MYOCD: variants seen among roughly 807,000 people sequenced by gnomAD.
The protein encoded by MYOCD is myocardin.
Under a neutral mutation model 96.1 loss-of-function variants are expected in MYOCD, and 32 were observed. The observed-to-expected ratio is 0.33, with a 90% confidence interval of 0.25 to 0.45. MYOCD has a LOEUF of 0.45. Among genes scored for constraint, MYOCD ranks in the 20% least tolerant of loss-of-function variants. MYOCD has a pLI of 1.00. For missense variants in MYOCD, 1,133 were observed against 1,200.6 expected (o/e 0.94, Z 0.83); for synonymous variants, 469 against 469.0 (o/e 1.00, Z 0.00).
At chr17:12,714,130 T>C (rs766127704) in intron 2 of MYOCD, among the ~76,000 whole-genome samples, 53 of 152,090 alleles carry the variant, frequency 3.5e-4, no homozygotes, top group South Asian at 2.1e-4. Flanking sequence ...ATTGTTAATG[T>C]TGGGGTGAAC....
intron 1 of MYOCD, among the ~76,000 whole-genome samples, chr17:12,697,617 C>T (rs1297451595): frequency 1.3e-5 from 2 of 151,700 alleles, no homozygotes; most frequent in African/African-American, 4.8e-5. Context: ...TCCCAAAGTG[C>T]TGGGAATTAC....
intron 2 of MYOCD, among the ~76,000 whole-genome samples, chr17:12,707,949 A>G (rs949946821): frequency 2.1e-5 from 3 of 146,076 alleles, no homozygotes; most frequent in African/African-American, 7.3e-5. Flanking sequence ...CTTATGCACT[A>G]TATATATGTG....
At chr17:12,718,746 A>T (rs1216711748) in intron 4 of MYOCD, among the ~76,000 whole-genome samples, 1 of 152,190 alleles carries the variant, frequency 6.6e-6, no homozygotes, top group African/African-American at 2.4e-5. Context: ...GAAAACAGAA[A>T]AAAGTCCCTC....
chr17:12,715,313 T>A (rs966389796), intron 2 of MYOCD, among the ~76,000 whole-genome samples: 2 of 148,240 alleles, frequency 1.3e-5, no homozygotes, highest in Non-Finnish European at 1.5e-5. Context: ...TACTCCCCGT[T>A]TGAGGCTTCG....
chr17:12,682,248 G>A (rs944555155), intron 1 of MYOCD, among the ~76,000 whole-genome samples: 6 of 152,216 alleles, frequency 3.9e-5, no homozygotes, highest in African/African-American at 1.4e-4. Context: ...GATAATGCCA[G>A]GCAAAGGAAA....
chr17:12,753,421 G>A, intron 10 of MYOCD, 75 bp downstream of exon 10: 1 of 1,321,532 alleles, frequency 7.6e-7, no homozygotes, highest in Non-Finnish European at 1.0e-6. Flanking sequence ...CTGCTAAAGA[G>A]CTAATGTCAG....
chr17:12,682,099 C>T (rs895173966), intron 1 of MYOCD, among the ~76,000 whole-genome samples: 1 of 152,174 alleles, frequency 6.6e-6, no homozygotes, highest in African/African-American at 2.4e-5. Context: ...TCTCTCATTT[C>T]ACCTTCTCCA....
chr17:12,687,625 A>C (rs1226273972), intron 1 of MYOCD, among the ~76,000 whole-genome samples: 1 of 152,230 alleles, frequency 6.6e-6, no homozygotes, highest in East Asian at 1.9e-4. Flanking sequence ...TTTTGTTAAA[A>C]GTTTAAATAT....
intron 4 of MYOCD, among the ~76,000 whole-genome samples, chr17:12,721,180 C>G (rs1452492587): frequency 1.3e-5 from 2 of 151,556 alleles, no homozygotes; most frequent in African/African-American, 4.9e-5. Context: ...GTTATTTCTT[C>G]CATCATTACG....
At chr17:12,744,837 G>T (rs549636418) in intron 8 of MYOCD, among the ~76,000 whole-genome samples, 2 of 152,318 alleles carry the variant, frequency 1.3e-5, no homozygotes, top group East Asian at 1.9e-4. Context: ...GTAATAAAAG[G>T]TATCTGGATG....
At chr17:12,686,105 G>T (rs2030104367) in intron 1 of MYOCD, among the ~76,000 whole-genome samples, 1 of 152,130 alleles carries the variant, frequency 6.6e-6, no homozygotes, top group Non-Finnish European at 1.5e-5. Flanking sequence ...ATAACATTAA[G>T]AACTCTTACA....
At chr17:12,710,074 C>A (rs1253144165) in intron 2 of MYOCD, among the ~76,000 whole-genome samples, 1 of 152,122 alleles carries the variant, frequency 6.6e-6, no homozygotes, top group African/African-American at 2.4e-5. Context: ...TGTTTCAAAG[C>A]GCTTCCAGTC....
rs555194989 is a variant in MYOCD at position 12,716,073 on chromosome 17, G to A, written c.177+499G>A. On this transcript the variant is annotated intron_variant, in intron 3 of 13. Coordinates refer to ENST00000425538, the MANE Select transcript of MYOCD (RefSeq NM_001146312.3). ...GAGGGTGAGATTTGGCATATATTCT[G>A]TACCTTCATAACAAATCTCTGCAAC... 9.9e-5 allele frequency among the ~76,000 whole-genome samples: 15 copies of A among 152,152 alleles called. No homozygotes were observed. In the East Asian group the frequency reaches 2.9e-3, roughly 29 times the overall value.
rs1024588797 is a variant in MYOCD, at chr17:12,766,254, T to C, written c.*2610T>C. The C allele has an allele frequency of 4.6e-5, 7 of 152,362 alleles. No homozygotes were observed. The highest frequency in any genetic ancestry group is 1.4e-4 in the African/African-American group (6 of 41,584). 9.4% of individuals were successfully genotyped at this position (152,362 alleles called of 1,614,324 possible). ...TGTTAATTATTTTTTCCTTGGGTATTTCTATCTGAGAGACTAGACCTAGTT... is the reference window on the plus strand; with the variant it reads ...TGTTAATTATTTTTTCCTTGGGTATCTCTATCTGAGAGACTAGACCTAGTT... On this transcript the variant is annotated 3_prime_UTR_variant, in exon 14 of 14. Coordinates refer to ENST00000425538, the MANE Select transcript of MYOCD (RefSeq NM_001146312.3).
chr17:12,735,578 T>C (rs1470342693), intron 5 of MYOCD, among the ~76,000 whole-genome samples: 2 of 152,228 alleles, frequency 1.3e-5, no homozygotes, highest in Non-Finnish European at 2.9e-5. Context: ...TAAACAGTCA[T>C]GCATTCGTTG....
At chr17:12,668,978 G>A (rs1250131864) in intron 1 of MYOCD, among the ~76,000 whole-genome samples, 1 of 152,130 alleles carries the variant, frequency 6.6e-6, no homozygotes, top group African/African-American at 2.4e-5. Flanking sequence ...GACCCCTTTG[G>A]TAACATTTTA....
At chr17:12,693,873 T>C (rs1015908362) in intron 1 of MYOCD, among the ~76,000 whole-genome samples, 2 of 151,538 alleles carry the variant, frequency 1.3e-5, no homozygotes, top group African/African-American at 4.8e-5. Flanking sequence ...AATGCAAGAA[T>C]AGAAAAAAAT....
intron 1 of MYOCD, among the ~76,000 whole-genome samples, chr17:12,688,910 C>T (rs78481929): frequency 0.02 from 3,084 of 152,216 alleles, 144 homozygotes; most frequent in Admixed American, 0.11. Context: ...AGTGTACCCC[C>T]GGTTTAACAC....
intron 2 of MYOCD, chr17:12,706,151 C>T (rs2031282527): frequency 6.6e-6 from 1 of 152,174 alleles, no homozygotes; most frequent in Admixed American, 6.5e-5. Flanking sequence ...TTTTTCAGGC[C>T]TCTTGTTTTG....
Sources: gnomAD v4.1 joint callset for allele counts (sites outside exome capture counted in the v4.1 genomes callset) on GRCh38, gnomAD v4.1.1 for gene constraint, MANE v1.5 for transcripts, NCBI Gene and HGNC (gene_info 2026-07-23, HGNC 2026-07-21) for gene names.